PHTF1: variants seen among roughly 807,000 people sequenced by gnomAD.
PHTF1 encodes the protein putative homeodomain transcription factor 1, also known as protein PHTF1.
Under a neutral mutation model 102.4 loss-of-function variants are expected in PHTF1, and 88 were observed. That is an observed-to-expected ratio of 0.86 (90% confidence interval 0.72 to 1.03). PHTF1 has a LOEUF of 1.03. PHTF1 is among the 50% of genes least tolerant of loss of function. The probability of loss-of-function intolerance (pLI) is 0.00; values close to 1 mark genes in which losing one functional copy is unlikely to be tolerated. For synonymous variants in PHTF1, 289 were observed against 305.2 expected, an observed-to-expected ratio of 0.95 and a Z score of 0.55; for missense variants, 814 against 909.5, an observed-to-expected ratio of 0.89 and a Z score of 1.35.
chr1:113,755,874 C>T (rs1393061565), intron 3 of PHTF1, among the ~76,000 whole-genome samples: 2 of 149,792 alleles, frequency 1.3e-5, no homozygotes, highest in Non-Finnish European at 3.0e-5. Context: ...TCCTGGCTAA[C>T]ATGGTGAAAC....
intron 5 of PHTF1, among the ~76,000 whole-genome samples, chr1:113,732,509 C>A (rs2004520): frequency 0.75 from 113,205 of 151,718 alleles, 42,834 homozygotes; most frequent in African/African-American, 0.83. Flanking sequence ...AGAAAAAAAA[C>A]AATTTTCCTG....
At chr1:113,702,955 G>GA (rs1307854669) in intron 15 of PHTF1, among the ~76,000 whole-genome samples, 1 of 152,162 alleles carries the variant, frequency 6.6e-6, no homozygotes, top group East Asian at 1.9e-4. Context: ...CCTGGATTCA[G>GA]AAAAAATAAA....
At chr1:113,723,924 G>GA (rs200035085) in intron 7 of PHTF1, among the ~76,000 whole-genome samples, 15,837 of 152,150 alleles carry the variant, frequency 0.1, 1,087 homozygotes, top group East Asian at 0.23. Context: ...CAACTCTATA[G>GA]AAAAAATCTA....
intron 2 of PHTF1, among the ~76,000 whole-genome samples, chr1:113,758,093 C>CA (rs1423783442): frequency 2.6e-5 from 4 of 151,832 alleles, no homozygotes; most frequent in Non-Finnish European, 5.9e-5. Flanking sequence ...ACTAAAAATA[C>CA]AAAAAATTAG....
At position 113,706,661 on chromosome 1, in the gene PHTF1, C is replaced by T; in HGVS notation, c.1331G>A (p.Trp444Ter). Reference sequence around the variant, plus strand: ...CATCTTTTTGCACTCATTCCCCTCCCAGATTATTGCACTAACTCGATCAGA... The same window carrying T: ...CATCTTTTTGCACTCATTCCCCTCCTAGATTATTGCACTAACTCGATCAGA... ...PSSDRVSAII[W>*]EGNECKKMDM... is the part of the protein sequence containing the mutation. Residue 444 changes from tryptophan to a stop codon, truncating the protein, a stop_gained, in exon 12 of 19, where the codon TGG (tryptophan) becomes TAG (stop). Coordinates refer to ENST00000369604, the MANE Select transcript of PHTF1 (RefSeq NM_001323043.2). LOFTEE classifies it high-confidence loss of function. 1 of 1,609,798 alleles carries T rather than the reference C, an allele frequency of 6.2e-7. No homozygotes were observed. Among genetic ancestry groups the T allele is most frequent in the Non-Finnish European group, 8.5e-7 (1 of 1,177,162 alleles).
chr1:113,713,447 T>A lies in PHTF1; in HGVS notation c.624-9A>T, dbSNP rs1651480617. On this transcript the variant is annotated splice_polypyrimidine_tract_variant and intron_variant, in intron 7 of 18. Coordinates refer to ENST00000369604, the MANE Select transcript of PHTF1 (RefSeq NM_001323043.2). ...ATTTTACTCTTTTAATCCTATTTTT[T>A]AAAAAAGGAAAAGAAGATTAATTTT... 1 of 1,451,370 alleles carries A rather than the reference T, an allele frequency of 6.9e-7. No individual in the cohort carries two copies. The highest frequency in any genetic ancestry group is 1.4e-5 in the African/African-American group (1 of 69,394). The allele number at this position is 1,451,370 out of a possible 1,614,324, so 89.9% of individuals were successfully genotyped here.
intron 3 of PHTF1, among the ~76,000 whole-genome samples, chr1:113,740,769 C>T (rs889942169): frequency 6.6e-6 from 1 of 152,064 alleles, no homozygotes; most frequent in East Asian, 1.9e-4. Flanking sequence ...GTGGCTCACC[C>T]CTATAATCCC....
chr1:113,719,552 G>A (rs1652592760), intron 7 of PHTF1, among the ~76,000 whole-genome samples: 2 of 152,124 alleles, frequency 1.3e-5, no homozygotes, highest in African/African-American at 2.4e-5. Flanking sequence ...CTTTGCTTCA[G>A]TTCCCAACAA....
intron 6 of PHTF1, 67 bp from the exon 7 acceptor site, chr1:113,724,960 C>A: frequency 8.6e-7 from 1 of 1,160,784 alleles, no homozygotes. Flanking sequence ...AAAAATATCC[C>A]TACAGAAAAT....
intron 15 of PHTF1, among the ~76,000 whole-genome samples, chr1:113,702,860 G>A (rs1256300692): frequency 1.3e-5 from 2 of 152,214 alleles, no homozygotes; most frequent in Non-Finnish European, 2.9e-5. Context: ...GTAGGGTCAT[G>A]AAAGGCAAAG....
chr1:113,738,912 C>T (rs1408214947), intron 3 of PHTF1, 113 bp from the exon 4 acceptor site: 27 of 634,822 alleles, frequency 4.3e-5, no homozygotes, highest in Admixed American at 1.2e-4. Flanking sequence ...AGTGCAATGG[C>T]GTGATCTCGG....
At chr1:113,741,122 A>C (rs751788275) in intron 3 of PHTF1, among the ~76,000 whole-genome samples, 1 of 152,254 alleles carries the variant, frequency 6.6e-6, no homozygotes, top group Non-Finnish European at 1.5e-5. Flanking sequence ...AATTAATGCC[A>C]AAATTAAAGG....
chr1:113,700,655 G>C (rs1184613310), intron 16 of PHTF1, 139 bp downstream of exon 16: 2 of 664,064 alleles, frequency 3.0e-6, no homozygotes, highest in African/African-American at 3.7e-5. Flanking sequence ...CAACTACAGA[G>C]CAGCAAACTG....
At chr1:113,740,371 C>T (rs1398541665) in intron 3 of PHTF1, among the ~76,000 whole-genome samples, 1 of 152,012 alleles carries the variant, frequency 6.6e-6, no homozygotes, top group Non-Finnish European at 1.5e-5. Context: ...GTATTGTCTT[C>T]TTTTGAGAGA....
At chr1:113,718,803 C>A (rs1177691950) in intron 7 of PHTF1, among the ~76,000 whole-genome samples, 1 of 152,186 alleles carries the variant, frequency 6.6e-6, no homozygotes, top group Non-Finnish European at 1.5e-5. Context: ...AGCATGGGGA[C>A]CCTGGGTCCG....
chr1:113,750,989 T>G (rs1657989469), intron 3 of PHTF1, among the ~76,000 whole-genome samples: 1 of 152,090 alleles, frequency 6.6e-6, no homozygotes. Flanking sequence ...GGGCTGGGTG[T>G]GGTGGCTTAC....
At chr1:113,753,708 G>A (rs1658427638) in intron 3 of PHTF1, among the ~76,000 whole-genome samples, 1 of 151,154 alleles carries the variant, frequency 6.6e-6, no homozygotes, top group East Asian at 1.9e-4. Flanking sequence ...ACAGGCATCA[G>A]CCACCGTGCC....
chr1:113,709,312 AT>A (rs1650699424), intron 11 of PHTF1, among the ~76,000 whole-genome samples: 1 of 152,192 alleles, frequency 6.6e-6, no homozygotes, highest in Non-Finnish European at 1.5e-5. Context: ...TAATGAAGCG[AT>A]TTTTTAAATG....
chr1:113,700,133 CTAGA>C, intron 16 of PHTF1: 2 of 987,206 alleles, frequency 2.0e-6, no homozygotes, highest in Non-Finnish European at 2.4e-6. Context: ...CACTATCCCC[CTAGA>C]TAATCTAACA....
Sources: allele counts gnomAD v4.1 joint callset (sites outside exome capture counted in the v4.1 genomes callset), GRCh38; gene constraint gnomAD v4.1.1; transcripts MANE v1.5; gene names NCBI Gene and HGNC (gene_info 2026-07-23, HGNC 2026-07-21).